NLGN1: variants seen among roughly 807,000 people sequenced by gnomAD.
NLGN1 encodes the protein neuroligin-1.
In NLGN1, 12 loss-of-function variants were observed where a neutral mutation model predicts 65.5. The ratio of observed to expected loss-of-function variants is 0.18; its 90% CI spans 0.12 to 0.30. The LOEUF is 0.30. NLGN1 is among the 10% of genes least tolerant of loss of function. NLGN1 has a pLI of 1.00. For synonymous variants in NLGN1, 350 were observed against 359.5 expected (o/e 0.97, Z 0.30); for missense variants, 750 against 1,007.1 (o/e 0.74, Z 3.46).
intron 4 of NLGN1, among the ~76,000 whole-genome samples, chr3:173,997,711 T>G (rs1273347974): frequency 6.6e-6 from 1 of 152,104 alleles, no homozygotes; most frequent in African/African-American, 2.4e-5. Flanking sequence ...ATTATATTCT[T>G]AACCATTACA....
chr3:174,009,031 A>G (rs750882439), intron 4 of NLGN1, among the ~76,000 whole-genome samples: 29 of 152,104 alleles, frequency 1.9e-4, no homozygotes, highest in Non-Finnish European at 4.0e-4. Context: ...AGCAATGAAC[A>G]TTGTTTCTCA....
intron 4 of NLGN1, among the ~76,000 whole-genome samples, chr3:174,203,199 A>G (rs1416554422): frequency 6.6e-6 from 1 of 152,142 alleles, no homozygotes. Context: ...TGATGCTTCA[A>G]TGATCTAGAC....
At chr3:173,508,130 A>G (rs1732334808) in intron 2 of NLGN1, among the ~76,000 whole-genome samples, 1 of 152,172 alleles carries the variant, frequency 6.6e-6, no homozygotes, top group African/African-American at 2.4e-5. Flanking sequence ...AGGCTAACAT[A>G]TCACTGCTAA....
At chr3:173,559,539 A>G (rs1393186802) in intron 2 of NLGN1, among the ~76,000 whole-genome samples, 2 of 152,198 alleles carry the variant, frequency 1.3e-5, no homozygotes, top group Non-Finnish European at 2.9e-5. Context: ...CACACAGAAT[A>G]TTAGAATTTT....
At chr3:173,504,663 A>G (rs1305289775) in intron 2 of NLGN1, among the ~76,000 whole-genome samples, 1 of 151,250 alleles carries the variant, frequency 6.6e-6, no homozygotes. Flanking sequence ...CCTTCAACCC[A>G]CTCCAGTCTG....
At chr3:173,781,359 A>C (rs528506364) in intron 3 of NLGN1, among the ~76,000 whole-genome samples, 1 of 152,238 alleles carries the variant, frequency 6.6e-6, no homozygotes, top group East Asian at 1.9e-4. Flanking sequence ...ATTGTTCTGT[A>C]ATTTGCCTTT....
At chr3:173,788,206 C>CAA (rs537790655) in intron 3 of NLGN1, among the ~76,000 whole-genome samples, 2,755 of 60,820 alleles carry the variant, frequency 0.045, 69 homozygotes, top group South Asian at 0.084. Flanking sequence ...TGACATTTTG[C>CAA]AAAAAAAAAA....
chr3:174,209,623 CTTTTTTTT>C (rs796169913), intron 4 of NLGN1, among the ~76,000 whole-genome samples: 9 of 82,074 alleles, frequency 1.1e-4, no homozygotes, highest in Non-Finnish European at 1.7e-4. Context: ...ACCTTTCTTT[CTTTTTTTT>C]TTTTTTTTTT....
intron 2 of NLGN1, among the ~76,000 whole-genome samples, chr3:173,576,089 T>C (rs1229006780): frequency 6.6e-6 from 1 of 152,122 alleles, no homozygotes; most frequent in Admixed American, 6.5e-5. Context: ...ATGGAAGCAA[T>C]TAAATTTCTC....
At chr3:173,922,893 A>T (rs1422303786) in intron 4 of NLGN1, among the ~76,000 whole-genome samples, 1 of 152,066 alleles carries the variant, frequency 6.6e-6, no homozygotes, top group Non-Finnish European at 1.5e-5. Flanking sequence ...CAGTTTCTTC[A>T]CCTGAAAATG....
chr3:173,909,237 C>T (rs1436414905), intron 4 of NLGN1, among the ~76,000 whole-genome samples: 4 of 151,960 alleles, frequency 2.6e-5, no homozygotes, highest in South Asian at 2.1e-4. Flanking sequence ...AAAAAAAAGC[C>T]CAGACAATGG....
intron 3 of NLGN1, among the ~76,000 whole-genome samples, chr3:173,782,666 A>C (rs1313074755): frequency 1.3e-5 from 2 of 148,394 alleles, no homozygotes; most frequent in African/African-American, 5.0e-5. Context: ...GGCCAGGCAA[A>C]TTTTATTGTG....
Position 173,464,602 on chromosome 3 carries a change from A to C in NLGN1, c.-321+29524A>C, listed in dbSNP as rs150980192. Among the ~76,000 whole-genome samples, 283 of 151,596 alleles carry C rather than the reference A, an allele frequency of 1.9e-3. 1 individual carries two copies. Among genetic ancestry groups the C allele is most frequent in the African/African-American group, 6.7e-3 (279 of 41,352 alleles). On this transcript the variant is annotated intron_variant, in intron 2 of 6. Transcript: ENST00000457714. ...AGGTGTGCACCACCATGCCTGGCTA[A>C]TTTTGTATTTTTAGTAGACACGGGG...
intron 4 of NLGN1, among the ~76,000 whole-genome samples, chr3:173,853,888 A>G (rs4508811): frequency 0.86 from 130,956 of 151,772 alleles, 57,105 homozygotes; most frequent in Non-Finnish European, 0.9. Context: ...AATATGATTC[A>G]TTTTATAAAT....
At position 174,281,165 on chromosome 3, in the gene NLGN1, C is replaced by T. The variant is rs16858840; in HGVS notation, c.2334C>T (p.Pro778=). Reference sequence around the variant, plus strand: ...CTGATGATGTTCCCTTAATGACACCCAACACCATTACAATGATTCCCAACA... The same window carrying T: ...CTGATGATGTTCCCTTAATGACACCTAACACCATTACAATGATTCCCAACA... Residue 778 remains proline, a synonymous_variant, in exon 7 of 7, where the codon CCC becomes CCT. Transcript: ENST00000457714. 0.024 allele frequency: 38,723 copies of T among 1,613,224 alleles called. 522 individuals carry two copies. The highest frequency in any genetic ancestry group is 0.041 in the East Asian group (1,825 of 44,812).
chr3:173,979,729 G>A (rs1475597783), intron 4 of NLGN1, among the ~76,000 whole-genome samples: 1 of 152,064 alleles, frequency 6.6e-6, no homozygotes, highest in Non-Finnish European at 1.5e-5. Context: ...TTATTTTCCT[G>A]TATATCCATA....
chr3:173,921,903 A>G (rs1742086589), intron 4 of NLGN1, among the ~76,000 whole-genome samples: 1 of 152,088 alleles, frequency 6.6e-6, no homozygotes, highest in African/African-American at 2.4e-5. Context: ...CTAACTTGCC[A>G]CTCATTTTCT....
intron 4 of NLGN1, among the ~76,000 whole-genome samples, chr3:174,026,782 A>AGG (rs1728923201): frequency 6.6e-6 from 1 of 152,178 alleles, no homozygotes; most frequent in Non-Finnish European, 1.5e-5. Context: ...AAGCAAACAA[A>AGG]ACCACTTCTA....
At chr3:174,258,038 G>A (rs188423836) in intron 4 of NLGN1, among the ~76,000 whole-genome samples, 61 of 151,582 alleles carry the variant, frequency 4.0e-4, no homozygotes, top group African/African-American at 1.4e-3. Flanking sequence ...TTATATATGA[G>A]AAGACCATTC....
Sources: gnomAD v4.1 joint callset for allele counts (sites outside exome capture counted in the v4.1 genomes callset) on GRCh38, gnomAD v4.1.1 for gene constraint, MANE v1.5 for transcripts, NCBI Gene and HGNC (gene_info 2026-07-23, HGNC 2026-07-21) for gene names.